Variants in HIP1 observed in about 807,000 individuals in gnomAD.
HIP1 encodes huntingtin interacting protein 1, also known as huntingtin-interacting protein 1.
HIP1 carries 65 observed loss-of-function variants against 147.6 expected under a neutral mutation model. The observed-to-expected ratio is 0.44, with a 90% CI of 0.36 to 0.54. The LOEUF (loss-of-function observed/expected upper bound fraction) is 0.54. HIP1 is among the 20% of genes least tolerant of loss of function. The pLI is 0.00. For synonymous variants in HIP1, 479 were observed against 504.0 expected (o/e 0.95, Z 0.67); for missense variants, 1,061 against 1,299.6 (o/e 0.82, Z 2.82).
intron 1 of HIP1, among the ~76,000 whole-genome samples, chr7:75,601,909 C>T (rs782382387): frequency 4.0e-5 from 6 of 150,560 alleles, no homozygotes; most frequent in Non-Finnish European, 7.4e-5. Context: ...TATTTGTATA[C>T]GTTTGAACTT....
chr7:75,630,603 C>T (rs1259423302), intron 1 of HIP1, among the ~76,000 whole-genome samples: 7 of 152,028 alleles, frequency 4.6e-5, no homozygotes, highest in African/African-American at 1.2e-4. Flanking sequence ...ACCCTTTTAG[C>T]GTGCCTGAAA....
Position 75,548,968 on chromosome 7 carries a change from C to T in HIP1, c.2329G>A (p.Glu777Lys). The change falls in exon 23 of 31, where the codon GAG (glutamate) becomes AAG (lysine). Residue 777 changes from glutamate to lysine, a missense_variant. Physicochemically the swap from Glu to Lys is moderately conservative, Grantham distance 56. Transcript: ENST00000336926. Reference protein sequence around the residue: ...LLPRGLDIKQEELGDLVDKEM... With the variant: ...LLPRGLDIKQKELGDLVDKEM... ...TTGTCCACCAGGTCCCCCAGCTCCT[C>T]CTGCTTGATGTCCAGTCCCCTGGGC... 9 of 1,614,098 alleles carry T rather than the reference C, an allele frequency of 5.6e-6. No individual in the cohort carries two copies. Among genetic ancestry groups the T allele is most frequent in the Non-Finnish European group, 7.6e-6 (9 of 1,179,962 alleles).
intron 1 of HIP1, among the ~76,000 whole-genome samples, chr7:75,669,181 T>C (rs1320107051): frequency 6.0e-5 from 9 of 149,558 alleles, no homozygotes; most frequent in Admixed American, 2.7e-4. Flanking sequence ...CTGGCTAACA[T>C]GGTGAAACCC....
chr7:75,557,420 C>T (rs1554493622), intron 16 of HIP1, among the ~76,000 whole-genome samples: 3 of 152,192 alleles, frequency 2.0e-5, no homozygotes, highest in East Asian at 1.9e-4. Context: ...CTCCACCAGC[C>T]TCATCCTTGG....
chr7:75,641,325 G>T (rs138680260), intron 1 of HIP1, among the ~76,000 whole-genome samples: 47 of 151,988 alleles, frequency 3.1e-4, no homozygotes, highest in African/African-American at 1.1e-3. Context: ...GTACAGGCTG[G>T]TCCCTTCAGG....
intron 1 of HIP1, among the ~76,000 whole-genome samples, chr7:75,664,100 A>C (rs1799444848): frequency 2.9e-5 from 1 of 35,028 alleles, no homozygotes; most frequent in South Asian, 7.5e-4. Context: ...ACATATGTGC[A>C]TACATACATG....
chr7:75,561,581 T>G (rs1395208899), intron 12 of HIP1, among the ~76,000 whole-genome samples, 180 bp from the exon 13 acceptor site: 1 of 152,224 alleles, frequency 6.6e-6, no homozygotes, highest in Non-Finnish European at 1.5e-5. Context: ...TCCATGGTTA[T>G]TGATTTTCTT....
At chr7:75,540,386 G>A (rs1295517808) in intron 29 of HIP1, among the ~76,000 whole-genome samples, 7 of 149,284 alleles carry the variant, frequency 4.7e-5, no homozygotes, top group Non-Finnish European at 8.9e-5. Context: ...CCAAGATCGT[G>A]CCATTGTACT....
intron 1 of HIP1, among the ~76,000 whole-genome samples, chr7:75,618,851 C>CT (rs781820751): frequency 8.0e-5 from 12 of 149,256 alleles, no homozygotes; most frequent in South Asian, 4.3e-4. Flanking sequence ...TGAGCACATC[C>CT]TTTTTTTTTT....
chr7:75,620,424 T>C (rs1222516387), intron 1 of HIP1, among the ~76,000 whole-genome samples: 10 of 148,358 alleles, frequency 6.7e-5, no homozygotes, highest in African/African-American at 2.2e-4. Flanking sequence ...CAATGGCTCA[T>C]GCCTGTAATC....
At chr7:75,734,610 A>G (rs1801957707) in intron 1 of HIP1, among the ~76,000 whole-genome samples, 1 of 152,076 alleles carries the variant, frequency 6.6e-6, no homozygotes, top group African/African-American at 2.4e-5. Flanking sequence ...TCAGTGTTCA[A>G]TGGGGGCCAC....
intron 1 of HIP1, among the ~76,000 whole-genome samples, chr7:75,734,973 C>T (rs1801971476): frequency 6.6e-6 from 1 of 152,128 alleles, no homozygotes; most frequent in Non-Finnish European, 1.5e-5. Flanking sequence ...AAGAGTTAAT[C>T]ACAGCCTGCT....
chr7:75,703,088 G>T (rs533480205), intron 1 of HIP1, among the ~76,000 whole-genome samples: 2 of 152,212 alleles, frequency 1.3e-5, no homozygotes, highest in South Asian at 2.1e-4. Context: ...GGTGGCTCAC[G>T]CCTGTAATCC....
intron 1 of HIP1, among the ~76,000 whole-genome samples, chr7:75,687,992 T>G (rs76341646): frequency 6.6e-6 from 1 of 152,148 alleles, no homozygotes; most frequent in Non-Finnish European, 1.5e-5. Flanking sequence ...CTAGCCCATG[T>G]GGTACCACTT....
intron 7 of HIP1, among the ~76,000 whole-genome samples, chr7:75,579,859 G>A (rs1396444663): frequency 6.6e-6 from 1 of 152,152 alleles, no homozygotes; most frequent in East Asian, 1.9e-4. Flanking sequence ...GCTTGCGTAT[G>A]GAGACCTGCA....
intron 9 of HIP1, among the ~76,000 whole-genome samples, chr7:75,567,593 G>C (rs1795454337): frequency 6.6e-6 from 1 of 151,234 alleles, no homozygotes; most frequent in South Asian, 2.1e-4. Flanking sequence ...ACAAGGTCAA[G>C]AGATCGAGAC....
At chr7:75,680,636 A>C (rs553085276) in intron 1 of HIP1, among the ~76,000 whole-genome samples, 1 of 151,810 alleles carries the variant, frequency 6.6e-6, no homozygotes, top group Non-Finnish European at 1.5e-5. Flanking sequence ...TTAAGACAGA[A>C]TCTCACTCTG....
intron 1 of HIP1, among the ~76,000 whole-genome samples, chr7:75,667,735 C>T (rs1554514743): frequency 6.6e-6 from 1 of 152,226 alleles, no homozygotes; most frequent in Non-Finnish European, 1.5e-5. Context: ...AAGGAATCCT[C>T]CCACCTCGGC....
At chr7:75,582,043 C>G (rs782586788) in intron 6 of HIP1, 32 bp downstream of exon 6, 5 of 1,578,504 alleles carry the variant, frequency 3.2e-6, no homozygotes, top group Non-Finnish European at 4.3e-6. Context: ...AAAGCTTTCT[C>G]CCTCCCTGGG....
Sources: allele counts gnomAD v4.1 joint callset (sites outside exome capture counted in the v4.1 genomes callset), GRCh38; gene constraint gnomAD v4.1.1; transcripts MANE v1.5; gene names NCBI Gene and HGNC (gene_info 2026-07-23, HGNC 2026-07-21).